CNTNAP2: variants seen among roughly 807,000 people sequenced by gnomAD.
The protein encoded by CNTNAP2 is contactin-associated protein-like 2.
In CNTNAP2, 98 loss-of-function variants were observed where a neutral mutation model predicts 155.2. The observed-to-expected ratio is 0.63, with a 90% CI of 0.54 to 0.75. The LOEUF is 0.75. CNTNAP2 is among the 30% of genes least tolerant of loss of function. The probability of loss-of-function intolerance (pLI) is 0.00; values close to 1 mark genes in which losing one functional copy is unlikely to be tolerated. For synonymous variants in CNTNAP2, 651 were observed against 631.2 expected, an observed-to-expected ratio of 1.03 and a Z score of -0.47; for missense variants, 1,727 against 1,688.1, an observed-to-expected ratio of 1.02 and a Z score of -0.40.
chr7:146,848,019 A>C (rs966596348), intron 3 of CNTNAP2, among the ~76,000 whole-genome samples: 1 of 152,194 alleles, frequency 6.6e-6, no homozygotes, highest in African/African-American at 2.4e-5. Context: ...TAGGATAAGA[A>C]GACTTGAAAA....
intron 3 of CNTNAP2, among the ~76,000 whole-genome samples, chr7:146,984,543 C>G (rs899709011): frequency 1.2e-4 from 18 of 151,646 alleles, no homozygotes; most frequent in African/African-American, 4.4e-4. Flanking sequence ...TTAGTCATGG[C>G]TATAAGACAA....
chr7:147,384,499 C>T (rs909568953), intron 9 of CNTNAP2, among the ~76,000 whole-genome samples: 4 of 152,066 alleles, frequency 2.6e-5, no homozygotes, highest in African/African-American at 9.7e-5. Flanking sequence ...TTGAAAGCCA[C>T]AGAAGTCACC....
chr7:146,277,608 C>T (rs1394733135), intron 1 of CNTNAP2, among the ~76,000 whole-genome samples: 1 of 152,142 alleles, frequency 6.6e-6, no homozygotes, highest in Non-Finnish European at 1.5e-5. Context: ...TTATTTCCTG[C>T]TTATCCATTA....
At chr7:147,935,961 T>A (rs1800599425) in intron 14 of CNTNAP2, among the ~76,000 whole-genome samples, 1 of 152,178 alleles carries the variant, frequency 6.6e-6, no homozygotes, top group Non-Finnish European at 1.5e-5. Flanking sequence ...AACTCTTATA[T>A]TCAGTCCTCA....
intron 11 of CNTNAP2, among the ~76,000 whole-genome samples, chr7:147,501,993 T>A (rs1277155547): frequency 1.3e-5 from 2 of 152,150 alleles, no homozygotes; most frequent in Non-Finnish European, 2.9e-5. Flanking sequence ...ATAAATTACT[T>A]AGGCATATAT....
intron 2 of CNTNAP2, among the ~76,000 whole-genome samples, chr7:146,783,650 G>A (rs1287889892): frequency 6.6e-6 from 1 of 152,044 alleles, no homozygotes; most frequent in African/African-American, 2.4e-5. Context: ...TTAAAATGTT[G>A]GTATTTCAAC....
intron 12 of CNTNAP2, among the ~76,000 whole-genome samples, chr7:147,602,327 GT>G (rs1006425348): frequency 1.5e-4 from 22 of 148,388 alleles, no homozygotes; most frequent in African/African-American, 3.9e-4. Flanking sequence ...GAAACCTAAT[GT>G]TTGTTTATTA....
chr7:146,852,146 T>C (rs561550068), intron 3 of CNTNAP2, among the ~76,000 whole-genome samples: 5 of 152,108 alleles, frequency 3.3e-5, no homozygotes, highest in Non-Finnish European at 7.4e-5. Flanking sequence ...ACATATGAAT[T>C]TTGGGGGGAC....
At chr7:147,675,234 C>A (rs1043516709) in intron 13 of CNTNAP2, among the ~76,000 whole-genome samples, 3 of 152,090 alleles carry the variant, frequency 2.0e-5, no homozygotes, top group Admixed American at 2.0e-4. Flanking sequence ...CAAATCAAAT[C>A]TCTTTTCTCT....
At chr7:147,149,119 A>G (rs1801774825) in intron 8 of CNTNAP2, among the ~76,000 whole-genome samples, 1 of 152,168 alleles carries the variant, frequency 6.6e-6, no homozygotes, top group South Asian at 2.1e-4. Context: ...TGATTAGTCC[A>G]TTTTACAGAG....
chr7:147,503,824 A>C (rs111670215), intron 11 of CNTNAP2, among the ~76,000 whole-genome samples: 1 of 152,032 alleles, frequency 6.6e-6, no homozygotes, highest in Non-Finnish European at 1.5e-5. Flanking sequence ...TAAGTTAACT[A>C]TTCTGTCTCT....
chr7:146,182,560 C>T lies in CNTNAP2; in HGVS notation c.97+65587C>T, dbSNP rs116269260. On this transcript the variant is annotated intron_variant, in intron 1 of 23. Transcript: ENST00000361727. ...GAGTTCTTTTTTTCACAGCTTGTTACAACTGCATGTTTATGCATCTTTTCT... is the reference window on the plus strand; with the variant it reads ...GAGTTCTTTTTTTCACAGCTTGTTATAACTGCATGTTTATGCATCTTTTCT... Among the ~76,000 whole-genome samples, 652 of 152,240 alleles carry T rather than the reference C, an allele frequency of 4.3e-3. 3 individuals carry two copies. Among genetic ancestry groups the T allele is most frequent in the African/African-American group, 0.015 (616 of 41,536 alleles).
At chr7:146,358,783 A>G (rs1584887750) in intron 1 of CNTNAP2, among the ~76,000 whole-genome samples, 1 of 152,226 alleles carries the variant, frequency 6.6e-6, no homozygotes. Context: ...ACTGAGCTTG[A>G]TATGATTTTA....
At chr7:147,727,998 T>C (rs1796672906) in intron 13 of CNTNAP2, among the ~76,000 whole-genome samples, 1 of 152,014 alleles carries the variant, frequency 6.6e-6, no homozygotes, top group African/African-American at 2.4e-5. Flanking sequence ...CACCTAGTGG[T>C]ACAAATGAGA....
At chr7:146,179,477 C>G (rs1436441042) in intron 1 of CNTNAP2, among the ~76,000 whole-genome samples, 1 of 152,074 alleles carries the variant, frequency 6.6e-6, no homozygotes, top group Non-Finnish European at 1.5e-5. Flanking sequence ...AATTGATATG[C>G]CTGCCTTAAA....
At chr7:147,225,164 GT>G (rs1803492931) in intron 8 of CNTNAP2, among the ~76,000 whole-genome samples, 1 of 152,056 alleles carries the variant, frequency 6.6e-6, no homozygotes. Flanking sequence ...CAATTTAAAA[GT>G]TCTAAAATAA....
chr7:147,132,540 G>C, intron 8 of CNTNAP2, 31 bp downstream of exon 8: 2 of 1,612,766 alleles, frequency 1.2e-6, no homozygotes, highest in Non-Finnish European at 1.7e-6. Context: ...ATTTGTTCCT[G>C]AAACTTATTG....
At chr7:146,439,124 G>C (rs1796284164) in intron 1 of CNTNAP2, among the ~76,000 whole-genome samples, 1 of 151,404 alleles carries the variant, frequency 6.6e-6, no homozygotes, top group Admixed American at 6.6e-5. Flanking sequence ...TAATACATCT[G>C]TTCTCTTTTT....
At chr7:147,351,414 GAAGGAATGA>G (rs1489590802) in intron 9 of CNTNAP2, among the ~76,000 whole-genome samples, 1 of 151,726 alleles carries the variant, frequency 6.6e-6, no homozygotes, top group African/African-American at 2.4e-5. Context: ...AGGGGAGTAG[GAAGGAATGA>G]AAGGAGAGAA....
Sources: allele counts gnomAD v4.1 joint callset (sites outside exome capture counted in the v4.1 genomes callset), GRCh38; gene constraint gnomAD v4.1.1; transcripts MANE v1.5; gene names NCBI Gene and HGNC (gene_info 2026-07-23, HGNC 2026-07-21).